The following MAP4K5 variants were observed in gnomAD, a reference collection of about 807,000 sequenced individuals.
MAP4K5 encodes the protein mitogen-activated protein kinase kinase kinase kinase 5, also known as MAPK/ERK kinase kinase kinase 5.
A neutral mutation model predicts 135.6 loss-of-function variants in MAP4K5; 82 were observed. The observed-to-expected ratio is 0.60, with a 90% confidence interval of 0.51 to 0.73. The LOEUF is 0.73. MAP4K5 is among the 30% of genes least tolerant of loss of function. The pLI is 0.00. For missense variants in MAP4K5, 907 were observed against 1,010.9 expected, an observed-to-expected ratio of 0.90 and a Z score of 1.39; for synonymous variants, 347 against 335.0, an observed-to-expected ratio of 1.04 and a Z score of -0.39.
rs1758128883 is a variant in MAP4K5 at position 50,420,100 on chromosome 14, G to A, written c.2460C>T (p.Val820=). Residue 820 remains valine, a synonymous_variant, in exon 33 of 33, where the codon GTC becomes GTT. Transcript: ENST00000682126. ...VFRLLGSDRV[V]VLESRPTENP... is the part of the protein sequence containing the mutation. ...TTTCTGTTGGCCTACTTTCCAAAAC[G>A]ACAACCCTGTAATTAAACCAAAACA... 1 of 1,603,808 alleles carries A rather than the reference G, an allele frequency of 6.2e-7. No individual in the cohort carries two copies. The highest frequency in any genetic ancestry group is 1.1e-5 in the South Asian group (1 of 89,504).
rs757157448 is a variant in MAP4K5 at position 50,445,062 on chromosome 14, C to G, written c.1318G>C (p.Val440Leu). 6.2e-7 allele frequency: 1 copy of G among 1,613,504 alleles called. No homozygotes were observed. Among genetic ancestry groups the G allele is most frequent in the East Asian group, 2.2e-5 (1 of 44,858 alleles). The change falls in exon 18 of 33, where the codon GTG (valine) becomes CTG (leucine). Residue 440 changes from valine (V) to leucine (L), a missense_variant. By Grantham distance (32) the Val-to-Leu change is conservative. Around this residue, in one of 3 missense-constraint regions of MAP4K5, gnomAD observed 690 missense variants for 777.4 expected, o/e 0.89. Coordinates refer to ENST00000682126, the MANE Select transcript of MAP4K5 (RefSeq NM_006575.6). Reference protein sequence around the residue: ...RRQSSPSCGPVAETSSIGNGD... With the variant: ...RRQSSPSCGPLAETSSIGNGD... The stretch of plus-strand genomic sequence containing the variant: ...ATACCAATAGAAGAAGTCTCTGCCA[C>G]AGGCCCACAACTTGGGCTACTCTGT...
At chr14:50,422,488 GT>G (rs2035755824) in intron 32 of MAP4K5, among the ~76,000 whole-genome samples, 1 of 151,706 alleles carries the variant, frequency 6.6e-6, no homozygotes, top group Admixed American at 6.6e-5. Context: ...TTTTGCTTTA[GT>G]AACAACTTTT....
chr14:50,560,546 C>T (rs1335970449), intron 1 of MAP4K5: 2 of 552,532 alleles, frequency 3.6e-6, no homozygotes, highest in Non-Finnish European at 6.5e-6. Flanking sequence ...GCTCCTTCTT[C>T]CCCACCCCCC....
chr14:50,523,128 A>G (rs1357535323), intron 2 of MAP4K5, among the ~76,000 whole-genome samples: 1 of 152,100 alleles, frequency 6.6e-6, no homozygotes, highest in Non-Finnish European at 1.5e-5. Context: ...CCTGACCAAC[A>G]TGGAGACATC....
intron 6 of MAP4K5, among the ~76,000 whole-genome samples, chr14:50,479,178 T>TTC (rs201281847): frequency 4.0e-4 from 32 of 79,114 alleles, no homozygotes; most frequent in East Asian, 1.4e-3. Flanking sequence ...TGTCTCTTCA[T>TTC]TCTCTCTCTT....
chr14:50,452,065 G>A (rs1039269162), intron 14 of MAP4K5, among the ~76,000 whole-genome samples: 8 of 152,166 alleles, frequency 5.3e-5, no homozygotes, highest in South Asian at 4.1e-4. Flanking sequence ...ACAGCAAGCC[G>A]CAGCTCCCAG....
intron 24 of MAP4K5, 28 bp downstream of exon 24, chr14:50,438,064 A>AT: frequency 1.0e-6 from 1 of 1,004,742 alleles, no homozygotes; most frequent in Non-Finnish European, 1.6e-6. Flanking sequence ...GAGAAATACA[A>AT]TTTTCGAGAA....
chr14:50,531,828 C>G (rs539445067), intron 2 of MAP4K5, 114 bp downstream of exon 2: 5 of 827,900 alleles, frequency 6.0e-6, no homozygotes, highest in Admixed American at 4.1e-5. Flanking sequence ...CCGCTTTCTC[C>G]CCAAGAGGCA....
chr14:50,560,731 C>G (rs558513363), intron 1 of MAP4K5, among the ~76,000 whole-genome samples: 3 of 152,218 alleles, frequency 2.0e-5, no homozygotes, highest in African/African-American at 4.8e-5. Flanking sequence ...CCCAACCCCC[C>G]TCCCCGGGAG....
intron 3 of MAP4K5, among the ~76,000 whole-genome samples, chr14:50,499,128 CAA>C (rs562461718): frequency 1.5e-5 from 2 of 130,346 alleles, no homozygotes; most frequent in African/African-American, 2.8e-5. Context: ...AATTCCACAG[CAA>C]AAAAAAAAAG....
intron 1 of MAP4K5, among the ~76,000 whole-genome samples, chr14:50,558,220 G>C (rs559635528): frequency 6.6e-6 from 1 of 152,160 alleles, no homozygotes; most frequent in Non-Finnish European, 1.5e-5. Context: ...ACAGCCAGGC[G>C]TGCTGGCGAC....
rs1020158353 is a variant in MAP4K5, at chr14:50,419,924, A to C, written c.*95T>G. On this transcript the variant is annotated 3_prime_UTR_variant, in exon 33 of 33. Transcript: ENST00000682126. Reference sequence around the variant, plus strand: ...TTTGCAATATAACCCATAATAGTTAAAGCAAATCATAGTGCAGTTTGTATT... The same window carrying C: ...TTTGCAATATAACCCATAATAGTTACAGCAAATCATAGTGCAGTTTGTATT... The C allele has an allele frequency of 2.5e-5, 21 of 853,840 alleles. No homozygotes were observed. Among genetic ancestry groups the C allele is most frequent in the Middle Eastern group, 2.2e-4 (1 of 4,626 alleles). 52.9% of individuals were successfully genotyped at this position (853,840 alleles called of 1,614,324 possible). A position where few individuals can be genotyped will look rare whatever the true frequency, so the allele number is the denominator to read the frequency against.
intron 3 of MAP4K5, among the ~76,000 whole-genome samples, chr14:50,489,989 T>C (rs2037446113): frequency 6.6e-6 from 1 of 152,074 alleles, no homozygotes; most frequent in South Asian, 2.1e-4. Context: ...GTAAGGGCAG[T>C]TGCAGGTTCT....
At chr14:50,448,233 T>G (rs2036402439) in intron 15 of MAP4K5, among the ~76,000 whole-genome samples, 1 of 152,138 alleles carries the variant, frequency 6.6e-6, no homozygotes, top group Admixed American at 6.6e-5. Context: ...CAGGCTGGTC[T>G]GGAACTCCTG....
rs370385851 is a variant in MAP4K5, at chr14:50,446,071, T to C, written c.1185+8A>G. The C allele has an allele frequency of 6.5e-6, 10 of 1,531,432 alleles. No homozygotes were observed. The Admixed American group carries it at 8.2e-5, about 13-fold the overall frequency. 94.9% of individuals were successfully genotyped at this position (1,531,432 alleles called of 1,614,324 possible). ...GGATTTAGTGTTCAAAATCATTAAGTAGCTCACCTTAGGAGGTAGGGGAGG... is the reference window on the plus strand; with the variant it reads ...GGATTTAGTGTTCAAAATCATTAAGCAGCTCACCTTAGGAGGTAGGGGAGG... On this transcript the variant is annotated splice_region_variant and intron_variant, in intron 17 of 32. Coordinates refer to ENST00000682126, the MANE Select transcript of MAP4K5 (RefSeq NM_006575.6).
intron 3 of MAP4K5, among the ~76,000 whole-genome samples, chr14:50,490,064 T>G (rs1311366035): frequency 1.3e-5 from 2 of 150,948 alleles, no homozygotes; most frequent in Non-Finnish European, 3.0e-5. Context: ...GCTCCTCAAG[T>G]ATGCATGGGT....
At chr14:50,523,354 G>A (rs1595546326) in intron 2 of MAP4K5, among the ~76,000 whole-genome samples, 2 of 152,038 alleles carry the variant, frequency 1.3e-5, no homozygotes, top group South Asian at 4.2e-4. Context: ...AATGACCTGT[G>A]GTCCTGCACC....
intron 2 of MAP4K5, among the ~76,000 whole-genome samples, chr14:50,506,889 T>C (rs961103263): frequency 6.6e-6 from 1 of 152,328 alleles, no homozygotes; most frequent in Non-Finnish European, 1.5e-5. Flanking sequence ...CTTTCTGCCA[T>C]TGGACATAAG....
At chr14:50,547,634 T>C (rs2140155091) in intron 1 of MAP4K5, among the ~76,000 whole-genome samples, 1 of 152,290 alleles carries the variant, frequency 6.6e-6, no homozygotes, top group Middle Eastern at 3.4e-3. Flanking sequence ...CAGCCCTGTG[T>C]GGCCTGTGAA....
Sources: gnomAD v4.1 joint callset for allele counts (sites outside exome capture counted in the v4.1 genomes callset) on GRCh38, gnomAD v4.1.1 for gene constraint, gnomAD v4.1.1 regional missense constraint, MANE v1.5 for transcripts, NCBI Gene and HGNC (gene_info 2026-07-23, HGNC 2026-07-21) for gene names.